Variants in TRPM3 observed in about 807,000 individuals in gnomAD.
TRPM3 encodes the protein long transient receptor potential channel 3.
TRPM3 carries 77 observed loss-of-function variants against 181.2 expected under a neutral mutation model. The ratio of observed to expected loss-of-function variants is 0.42; its 90% CI spans 0.35 to 0.51. TRPM3 has a LOEUF of 0.51. TRPM3 is among the 20% of genes least tolerant of loss of function. The probability of loss-of-function intolerance (pLI) is 0.01; values close to 1 mark genes in which losing one functional copy is unlikely to be tolerated. For synonymous variants in TRPM3, 745 were observed against 796.4 expected (o/e 0.94, Z 1.09); for missense variants, 1,759 against 2,196.7 (o/e 0.80, Z 3.98).
At chr9:71,086,091 G>T (rs1035306653) in intron 1 of TRPM3, among the ~76,000 whole-genome samples, 2 of 151,906 alleles carry the variant, frequency 1.3e-5, no homozygotes, top group Admixed American at 6.6e-5. Flanking sequence ...GCAAATGAAT[G>T]CAGGAACAGA....
At chr9:70,953,985 G>A (rs190265290) in intron 1 of TRPM3, among the ~76,000 whole-genome samples, 1 of 152,278 alleles carries the variant, frequency 6.6e-6, no homozygotes, top group African/African-American at 2.4e-5. Context: ...GGTCTTCTCA[G>A]GCTGGGGCAT....
intron 1 of TRPM3, among the ~76,000 whole-genome samples, chr9:70,902,335 T>A (rs2096398854): frequency 6.6e-6 from 1 of 152,226 alleles, no homozygotes. Context: ...TTGACTCTGT[T>A]GTACTCAGGA....
At chr9:71,348,243 T>C (rs2091403373) in intron 1 of TRPM3, among the ~76,000 whole-genome samples, 2 of 152,164 alleles carry the variant, frequency 1.3e-5, no homozygotes, top group Non-Finnish European at 2.9e-5. Context: ...AGAAAAAGTT[T>C]TGTGGCTTGT....
intron 22 of TRPM3, among the ~76,000 whole-genome samples, chr9:70,588,464 T>TAA (rs552506348): frequency 7.2e-6 from 1 of 138,332 alleles, no homozygotes. Context: ...AATTCTGAAG[T>TAA]AAAAAAAAAA....
At chr9:70,796,848 G>A (rs973240541) in intron 6 of TRPM3, among the ~76,000 whole-genome samples, 1 of 152,158 alleles carries the variant, frequency 6.6e-6, no homozygotes, top group Non-Finnish European at 1.5e-5. Context: ...AAGGCAGGGG[G>A]CTGGGCATGG....
intron 1 of TRPM3, among the ~76,000 whole-genome samples, chr9:71,394,079 A>G (rs2093131670): frequency 6.6e-6 from 1 of 152,208 alleles, no homozygotes; most frequent in East Asian, 1.9e-4. Context: ...AGAGAAAGCA[A>G]GAGATTAGGA....
At chr9:71,327,964 C>G (rs1043464860) in intron 1 of TRPM3, among the ~76,000 whole-genome samples, 12 of 151,842 alleles carry the variant, frequency 7.9e-5, no homozygotes, top group Admixed American at 7.9e-4. Context: ...CACACCATTA[C>G]TGGACTGGGT....
intron 1 of TRPM3, among the ~76,000 whole-genome samples, chr9:70,950,586 T>C (rs1041114727): frequency 6.6e-6 from 1 of 152,186 alleles, no homozygotes; most frequent in Non-Finnish European, 1.5e-5. Context: ...GCGTTCTTTG[T>C]GTGGAAGCAC....
In TRPM3 at chr9:70,801,379, A is replaced by T. The variant is rs181060814; in HGVS notation, c.974-17100T>A. 6.6e-5 allele frequency among the ~76,000 whole-genome samples: 10 copies of T among 152,336 alleles called. No homozygotes were observed. In the East Asian group the frequency reaches 1.5e-3, roughly 23 times the overall value. On this transcript the variant is annotated intron_variant, in intron 6 of 25. Transcript: ENST00000677713. ...TCCGTCTAAATCACAGCTGTTCATTATCAGAGCTATTTCTTTCTCTAGCTA... is the reference window on the plus strand; with the variant it reads ...TCCGTCTAAATCACAGCTGTTCATTTTCAGAGCTATTTCTTTCTCTAGCTA...
intron 9 of TRPM3, among the ~76,000 whole-genome samples, chr9:70,656,638 TAAAC>T (rs2060382798): frequency 6.6e-6 from 1 of 152,136 alleles, no homozygotes. Context: ...ATAATCTAGG[TAAAC>T]AAAATAAAAT....
At chr9:71,268,223 T>TA (rs2083524092) in intron 1 of TRPM3, among the ~76,000 whole-genome samples, 1 of 151,010 alleles carries the variant, frequency 6.6e-6, no homozygotes, top group Non-Finnish European at 1.5e-5. Context: ...CTACTAAAAA[T>TA]ACAAAAGTTA....
intron 1 of TRPM3, among the ~76,000 whole-genome samples, chr9:71,395,734 T>TA (rs1452831365): frequency 6.6e-6 from 1 of 152,242 alleles, no homozygotes; most frequent in Non-Finnish European, 1.5e-5. Flanking sequence ...CAAAAGCACT[T>TA]ACTAGGTTCA....
intron 1 of TRPM3, among the ~76,000 whole-genome samples, chr9:70,988,811 C>T (rs2097447416): frequency 6.6e-6 from 1 of 152,148 alleles, no homozygotes; most frequent in Admixed American, 6.5e-5. Flanking sequence ...GTAAACTGCC[C>T]CTGGGCACTA....
chr9:70,573,696 A>C (rs534727493), intron 22 of TRPM3, among the ~76,000 whole-genome samples: 42 of 152,246 alleles, frequency 2.8e-4, no homozygotes, highest in African/African-American at 9.1e-4. Flanking sequence ...TCAAAAAAAA[A>C]CCCTTGAATT....
At chr9:71,283,588 C>G (rs935724724) in intron 1 of TRPM3, among the ~76,000 whole-genome samples, 2 of 152,216 alleles carry the variant, frequency 1.3e-5, no homozygotes, top group African/African-American at 4.8e-5. Flanking sequence ...CTGGCATGAG[C>G]CACCATGTCC....
chr9:70,987,057 T>C (rs2097428710), intron 1 of TRPM3, among the ~76,000 whole-genome samples: 1 of 152,064 alleles, frequency 6.6e-6, no homozygotes, highest in South Asian at 2.1e-4. Flanking sequence ...TACATTTACA[T>C]TTAAAGTAAA....
At chr9:70,882,625 C>G (rs937828535) in intron 1 of TRPM3, among the ~76,000 whole-genome samples, 1 of 152,172 alleles carries the variant, frequency 6.6e-6, no homozygotes, top group South Asian at 2.1e-4. Context: ...TTCCTGAAAA[C>G]AGATGAATGA....
chr9:71,238,369 T>A (rs976621003), intron 1 of TRPM3, among the ~76,000 whole-genome samples: 1 of 152,074 alleles, frequency 6.6e-6, no homozygotes, highest in African/African-American at 2.4e-5. Context: ...TGATGTCAGA[T>A]AAGTTATCAA....
At chr9:71,318,465 T>C (rs1250946834) in intron 1 of TRPM3, among the ~76,000 whole-genome samples, 1 of 152,200 alleles carries the variant, frequency 6.6e-6, no homozygotes, top group African/African-American at 2.4e-5. Flanking sequence ...AGTAGTTGTG[T>C]CTACAACATA....
Sources: allele counts gnomAD v4.1 joint callset (sites outside exome capture counted in the v4.1 genomes callset), GRCh38; gene constraint gnomAD v4.1.1; transcripts MANE v1.5; gene names NCBI Gene and HGNC (gene_info 2026-07-23, HGNC 2026-07-21).